The following KDR variants were observed in gnomAD, a reference collection of about 807,000 sequenced individuals.
KDR encodes the protein kinase insert domain receptor.
A neutral mutation model predicts 160.9 loss-of-function variants in KDR; 43 were observed. That is an observed-to-expected ratio of 0.27 (90% CI 0.21 to 0.34). KDR has a LOEUF of 0.34. KDR is among the 10% of genes least tolerant of loss of function. The pLI is 1.00. For missense variants in KDR, 1,469 were observed against 1,666.4 expected (o/e 0.88, Z 2.06); for synonymous variants, 617 against 600.1 (o/e 1.03, Z -0.41).
chr4:55,082,536 A>C lies in KDR; in HGVS notation c.3762T>G (p.Asp1254Glu). Residue 1254 changes from aspartate (D) to glutamate (E), a missense_variant and splice_region_variant, in exon 28 of 30, where the codon GAT becomes GAG. Asp to Glu is a conservative substitution (Grantham distance 45). Coordinates refer to ENST00000263923, the MANE Select transcript of KDR (RefSeq NM_002253.4). ...GACTATTTTTAAAAGACGTACTTAC[A>C]TCTGGGATTACTTTTACTTCTGGTT... is the stretch of plus-strand genomic sequence containing the variant. ...LEEPEVKVIP[D>E]DNQTDSGMVL... 6.3e-7 allele frequency: 1 copy of C among 1,586,718 alleles called. No homozygotes were observed. The highest frequency in any genetic ancestry group is 8.7e-7 in the Non-Finnish European group (1 of 1,155,192).
At chr4:55,087,898 A>G (rs1328050460) in intron 26 of KDR, 140 bp from the exon 27 acceptor site, 1 of 793,300 alleles carries the variant, frequency 1.3e-6, no homozygotes, top group Non-Finnish European at 2.2e-6. Context: ...TTAAGACAAC[A>G]ATACAAATCA....
rs111496485 is a variant in KDR at position 55,121,277 on chromosome 4, C to CT, written c.68-88dup. ...TTCCATAAACAATGCATACTCTATA[C>CT]TTTAAAAGGCCTCTTCAGCAATTCA... On this transcript the variant is annotated intron_variant, in intron 1 of 29. Transcript: ENST00000263923. The CT allele has an allele frequency of 2.5e-5, 22 of 881,994 alleles. No homozygotes were observed. The African/African-American group carries it at 2.6e-4, about 11-fold the overall frequency. 54.6% of individuals were successfully genotyped at this position (881,994 alleles called of 1,614,324 possible). A position where few individuals can be genotyped will look rare whatever the true frequency, so the allele number is the denominator to read the frequency against.
Position 55,102,032 on chromosome 4 carries a change from A to G in KDR, c.2135-4T>C. 1.2e-6 allele frequency: 2 copies of G among 1,613,578 alleles called. No homozygotes were observed. The highest frequency in any genetic ancestry group is 8.5e-7 in the Non-Finnish European group (1 of 1,179,624). The stretch of plus-strand genomic sequence containing the variant: ...TTCCCATCCTTCAATACAATGCCTA[A>G]CAGAGGAAGAAAACGATCATTCTCA... On this transcript the variant is annotated splice_polypyrimidine_tract_variant and splice_region_variant and intron_variant, in intron 14 of 29. Transcript: ENST00000263923.
Position 55,079,745 on chromosome 4 carries a change from C to A in KDR, c.*196G>T. ...ATCAGGTCAACACTGGGAGAAGACA[C>A]AGACACATTCTTGGGTCACAAGCCT... On this transcript the variant is annotated 3_prime_UTR_variant, in exon 30 of 30. Transcript: ENST00000263923. 1.6e-6 allele frequency: 1 copy of A among 629,246 alleles called. No homozygotes were observed. The highest frequency in any genetic ancestry group is 2.8e-6 in the Non-Finnish European group (1 of 351,792). The allele number at this position is 629,246 out of a possible 1,614,324, so 39.0% of individuals were successfully genotyped here.
intron 27 of KDR, among the ~76,000 whole-genome samples, chr4:55,083,941 C>T (rs1435925286): frequency 6.6e-6 from 1 of 152,184 alleles, no homozygotes; most frequent in Non-Finnish European, 1.5e-5. Context: ...AGTTGTCAAA[C>T]ACTACTGGTA....
At chr4:55,089,500 C>G (rs546514370) in intron 24 of KDR, 27 bp from the exon 25 acceptor site, 1 of 1,550,836 alleles carries the variant, frequency 6.4e-7, no homozygotes, top group East Asian at 2.2e-5. Context: ...AGGAGACATT[C>G]TTTGATTTGA....
Position 55,098,683 on chromosome 4 carries a change from A to T in KDR, c.2373+14T>A. On this transcript the variant is annotated intron_variant, in intron 16 of 29. Transcript: ENST00000263923. ...AACCAATGTGCATGGGCAGAAGGGA[A>T]ATTATTTTTTTACCCGCTTAACGGT... 1.9e-6 allele frequency: 3 copies of T among 1,590,438 alleles called. No homozygotes were observed. Among genetic ancestry groups the T allele is most frequent in the Non-Finnish European group, 2.6e-6 (3 of 1,158,750 alleles).
At chr4:55,088,784 T>C (rs1036878743) in intron 26 of KDR, 84 bp downstream of exon 26, 2 of 856,604 alleles carry the variant, frequency 2.3e-6, no homozygotes, top group African/African-American at 3.3e-5. Context: ...GATGGCATGG[T>C]AGCCATGAGA....
rs2110010872 is a variant in KDR, at chr4:55,089,687, T to A, written c.3304+4A>T. On this transcript the variant is annotated splice_donor_region_variant and intron_variant, in intron 24 of 29. Coordinates refer to ENST00000263923, the MANE Select transcript of KDR (RefSeq NM_002253.4). Reference sequence around the variant, plus strand: ...GGATGGAAGGACAAAAAGAAATGACTTACCTAAGGAAAATATTTCCCACAG... The same window carrying A: ...GGATGGAAGGACAAAAAGAAATGACATACCTAAGGAAAATATTTCCCACAG... The A allele has an allele frequency of 6.2e-7, 1 of 1,610,662 alleles. No homozygotes were observed. The highest frequency in any genetic ancestry group is 1.1e-5 in the South Asian group (1 of 91,032).
Position 55,090,010 on chromosome 4 carries a change from G to C in KDR, c.3138C>G (p.Asp1046Glu), listed in dbSNP as rs1326010535. Residue 1046 changes from aspartate (D) to glutamate (E), a missense_variant, in exon 23 of 30, where the codon GAC (aspartate) becomes GAG (glutamate). Around this residue, in one of 7 missense-constraint regions of KDR, gnomAD observed 132 missense variants for 195.9 expected, o/e 0.67. Coordinates refer to ENST00000263923, the MANE Select transcript of KDR (RefSeq NM_002253.4). ...LSEKNVVKIC[D>E]FGLARDIYKD... Reference sequence around the variant, plus strand: ...TATAAATATCCCGGGCCAAGCCAAAGTCACAGATTTTAACCACGTTCTTCT... The same window carrying C: ...TATAAATATCCCGGGCCAAGCCAAACTCACAGATTTTAACCACGTTCTTCT... The C allele has an allele frequency of 6.2e-7, 1 of 1,614,056 alleles. No individual in the cohort carries two copies. Among genetic ancestry groups the C allele is most frequent in the Non-Finnish European group, 8.5e-7 (1 of 1,179,948 alleles).
intron 15 of KDR, 21 bp downstream of exon 15, chr4:55,101,876 A>ATT: frequency 1.3e-6 from 2 of 1,551,640 alleles, no homozygotes; most frequent in African/African-American, 1.4e-5. Context: ...TATGTACCAC[A>ATT]TTTTTTTTTA....
chr4:55,095,129 T>C (rs561511644), intron 20 of KDR, among the ~76,000 whole-genome samples, 174 bp from the exon 21 acceptor site: 1 of 152,320 alleles, frequency 6.6e-6, no homozygotes, highest in South Asian at 2.1e-4. Context: ...GGGGCAAGTT[T>C]TGTGCATAAT....
intron 22 of KDR, among the ~76,000 whole-genome samples, chr4:55,092,135 T>G (rs971560442): frequency 6.6e-6 from 1 of 152,224 alleles, no homozygotes; most frequent in Non-Finnish European, 1.5e-5. Context: ...AAAGCCTTCC[T>G]CGTCTACCTT....
chr4:55,101,910 A>C lies in KDR; in HGVS notation c.2253T>G (p.Phe751Leu). 2 of 1,613,492 alleles carry C rather than the reference A, an allele frequency of 1.2e-6. No individual in the cohort carries two copies. The highest frequency in any genetic ancestry group is 2.7e-5 in the African/African-American group (2 of 74,976). Residue 751 changes from phenylalanine to leucine, a missense_variant, in exon 15 of 30, where the codon TTT (phenylalanine) becomes TTG (leucine). Around this residue, in one of 7 missense-constraint regions of KDR, gnomAD observed 118 missense variants for 110.8 expected, o/e 1.06. Coordinates refer to ENST00000263923, the MANE Select transcript of KDR (RefSeq NM_002253.4). ...TATCCCACTGACCTTCTATTATGAA[A>C]AATGCCTCCACTTTTGCACAGCCAA... is the stretch of plus-strand genomic sequence containing the variant. ...SVLGCAKVEA[F>L]FIIEGAQEKT...
At chr4:55,118,823 G>T (rs767579380) in intron 2 of KDR, 23 bp from the exon 3 acceptor site, 10 of 1,596,298 alleles carry the variant, frequency 6.3e-6, no homozygotes, top group Middle Eastern at 1.7e-4. Context: ...TTTCAGGGAG[G>T]TATTAATATG....
At chr4:55,093,361 T>A (rs936231310) in intron 21 of KDR, among the ~76,000 whole-genome samples, 1 of 152,178 alleles carries the variant, frequency 6.6e-6, no homozygotes, top group Non-Finnish European at 1.5e-5. Flanking sequence ...CACTAAGATA[T>A]TAAATGGGTG....
At chr4:55,085,015 T>C (rs2110007455) in intron 27 of KDR, among the ~76,000 whole-genome samples, 1 of 152,228 alleles carries the variant, frequency 6.6e-6, no homozygotes, top group Non-Finnish European at 1.5e-5. Context: ...TCCCTAACAA[T>C]TACAAAATGA....
chr4:55,094,408 T>C (rs923974868), intron 21 of KDR, among the ~76,000 whole-genome samples: 4 of 152,134 alleles, frequency 2.6e-5, no homozygotes, highest in African/African-American at 9.7e-5. Flanking sequence ...GAAAAGACTT[T>C]TGCACAGGTA....
In KDR at chr4:55,120,085, G is replaced by A. The variant is rs2412618; in HGVS notation, c.161+1012C>T. On this transcript the variant is annotated intron_variant, in intron 2 of 29. Transcript: ENST00000263923. Reference sequence around the variant, plus strand: ...CTAATGGGAAATGTGTCTTAAACAAGTAAAGCTAGAGAAACAGCACCTGCT... The same window carrying A: ...CTAATGGGAAATGTGTCTTAAACAAATAAAGCTAGAGAAACAGCACCTGCT... 6.8e-3 allele frequency among the ~76,000 whole-genome samples: 1,041 copies of A among 152,274 alleles called. 16 individuals are homozygous for A. The highest frequency in any genetic ancestry group is 0.024 in the African/African-American group (991 of 41,562).
Sources: allele counts gnomAD v4.1 joint callset (sites outside exome capture counted in the v4.1 genomes callset), GRCh38; gene constraint gnomAD v4.1.1; regional missense constraint gnomAD v4.1.1; transcripts MANE v1.5; gene names NCBI Gene and HGNC (gene_info 2026-07-23, HGNC 2026-07-21).